The following CNEP1R1 variants were observed in gnomAD, a reference collection of about 807,000 sequenced individuals.
The protein encoded by CNEP1R1 is nuclear envelope phosphatase-regulatory subunit 1.
In CNEP1R1, 10 loss-of-function variants were observed where a neutral mutation model predicts 22.7. The ratio of observed to expected loss-of-function variants is 0.44; its 90% CI spans 0.27 to 0.75. The LOEUF (loss-of-function observed/expected upper bound fraction) is 0.75, where lower values mean the gene tolerates loss of function less well. CNEP1R1 is among the 30% of genes least tolerant of loss of function. The pLI is 0.17. For synonymous variants in CNEP1R1, 53 were observed against 50.1 expected, an observed-to-expected ratio of 1.06 and a Z score of -0.25; for missense variants, 73 against 151.5, an observed-to-expected ratio of 0.48 and a Z score of 2.72.
intron 2 of CNEP1R1, among the ~76,000 whole-genome samples, chr16:50,028,628 T>A (rs2144274233): frequency 6.6e-6 from 1 of 152,344 alleles, no homozygotes; most frequent in East Asian, 1.9e-4. Flanking sequence ...GTGATATAAA[T>A]ATACTTTACT....
intron 3 of CNEP1R1, among the ~76,000 whole-genome samples, chr16:50,030,775 A>G (rs958560006): frequency 6.6e-6 from 1 of 152,230 alleles, no homozygotes; most frequent in Non-Finnish European, 1.5e-5. Flanking sequence ...ACATATATCA[A>G]TTCCTTGGGC....
chr16:50,025,278 G>T lies in CNEP1R1; in HGVS notation c.-38G>T, dbSNP rs755332610. On this transcript the variant is annotated 5_prime_UTR_variant, in exon 1 of 6. Coordinates refer to ENST00000427478, the MANE Select transcript of CNEP1R1 (RefSeq NM_001281789.2). ...GCGGGGGCCGCGGAAGCTGCGATGCGGACAGGGCAGCGGCGGTGACCCGAG... is the reference window on the plus strand; with the variant it reads ...GCGGGGGCCGCGGAAGCTGCGATGCTGACAGGGCAGCGGCGGTGACCCGAG... 4.3e-6 allele frequency: 6 copies of T among 1,406,178 alleles called. No individual in the cohort carries two copies. Among genetic ancestry groups the T allele is most frequent in the Non-Finnish European group, 5.5e-6 (6 of 1,086,138 alleles). 87.1% of individuals were successfully genotyped at this position (1,406,178 alleles called of 1,614,324 possible).
At chr16:50,028,966 G>T (rs1320432125) in intron 2 of CNEP1R1, among the ~76,000 whole-genome samples, 2 of 151,896 alleles carry the variant, frequency 1.3e-5, no homozygotes, top group Admixed American at 1.3e-4. Context: ...TATTTCTGTT[G>T]TTCTTGGAAA....
chr16:50,029,310 C>T (rs2036212368), intron 2 of CNEP1R1, among the ~76,000 whole-genome samples: 1 of 152,162 alleles, frequency 6.6e-6, no homozygotes, highest in African/African-American at 2.4e-5. Flanking sequence ...TTTAGTCAGT[C>T]TTCTCAGTAC....
chr16:50,034,495 T>TTA lies in CNEP1R1; in HGVS notation c.336+342_336+343dup, dbSNP rs1010485823. On this transcript the variant is annotated intron_variant, in intron 5 of 5. Coordinates refer to ENST00000427478, the MANE Select transcript of CNEP1R1 (RefSeq NM_001281789.2). ...AAAAATGGCTCAGCGGATATTGGTTTTATAAACTACTGTTATTTATCAAGT... is the reference window on the plus strand; with the variant it reads ...AAAAATGGCTCAGCGGATATTGGTTTTATATAAACTACTGTTATTTATCAAGT... 45 of 312,666 alleles carry TTA rather than the reference T, an allele frequency of 1.4e-4. 1 individual carries two copies. The highest frequency in any genetic ancestry group is 9.0e-4 in the African/African-American group (41 of 45,596). 19.4% of individuals were successfully genotyped at this position (312,666 alleles called of 1,614,324 possible).
intron 2 of CNEP1R1, among the ~76,000 whole-genome samples, chr16:50,027,507 CAA>C (rs71138024): frequency 1.8e-4 from 20 of 110,076 alleles, no homozygotes; most frequent in Non-Finnish European, 1.9e-4. Context: ...GACTCTGTCT[CAA>C]AAAAAAAAAA....
intron 3 of CNEP1R1, among the ~76,000 whole-genome samples, chr16:50,032,767 G>A (rs761447838): frequency 2.0e-5 from 3 of 152,222 alleles, no homozygotes; most frequent in Non-Finnish European, 4.4e-5. Context: ...CACTTTGGGA[G>A]GCCGAGGCGG....
At chr16:50,026,122 T>C in intron 1 of CNEP1R1, 1 of 441,140 alleles carries the variant, frequency 2.3e-6, no homozygotes. Flanking sequence ...CTGCTGCTTA[T>C]TTCTCCCAAT....
intron 2 of CNEP1R1, 38 bp downstream of exon 2, chr16:50,026,505 A>G (rs759435097): frequency 3.3e-5 from 46 of 1,387,872 alleles, no homozygotes; most frequent in Non-Finnish European, 4.6e-5. Context: ...AAAACTAACA[A>G]TTGATACTTT....
At chr16:50,025,549 G>A (rs1334503856) in intron 1 of CNEP1R1, 8 of 1,237,802 alleles carry the variant, frequency 6.5e-6, no homozygotes, top group Non-Finnish European at 8.1e-6. Flanking sequence ...AACCTAGAGG[G>A]TCGACCTCCT....
intron 2 of CNEP1R1, among the ~76,000 whole-genome samples, chr16:50,028,899 A>G (rs1194148708): frequency 6.6e-6 from 1 of 152,160 alleles, no homozygotes; most frequent in Non-Finnish European, 1.5e-5. Context: ...ACGTCTTCTA[A>G]AAGTACATCA....
chr16:50,027,817 T>C, intron 2 of CNEP1R1, among the ~76,000 whole-genome samples: 1 of 152,196 alleles, frequency 6.6e-6, no homozygotes, highest in East Asian at 1.9e-4. Context: ...TTACTATCTA[T>C]TCATAAGTAT....
rs1433337780 is a variant in CNEP1R1 at position 50,036,328 on chromosome 16, A to T, written c.*870A>T. The T allele has an allele frequency of 6.8e-6, 1 of 147,240 alleles. No homozygotes were observed. The highest frequency in any genetic ancestry group is 1.5e-5 in the Non-Finnish European group (1 of 66,594). The allele number at this position is 147,240 out of a possible 1,614,324, so 9.1% of individuals were successfully genotyped here. ...TAATTTTTTTGTATTTTTAGTAGAG[A>T]CGGGGTTTCACCACGTTGGCCAGGA... On this transcript the variant is annotated 3_prime_UTR_variant, in exon 6 of 6. Transcript: ENST00000427478.
chr16:50,028,890 C>T (rs2884041), intron 2 of CNEP1R1, among the ~76,000 whole-genome samples: 117,523 of 152,024 alleles, frequency 0.77, 45,679 homozygotes, highest in East Asian at 0.9. Context: ...CTTTAGTTTA[C>T]GTCTTCTAAA....
chr16:50,026,383 T>G lies in CNEP1R1; in HGVS notation c.26-13T>G. On this transcript the variant is annotated splice_polypyrimidine_tract_variant and intron_variant, in intron 1 of 5. Transcript: ENST00000427478. ...AGAGTGGCTAATTAGAAAATTGACA[T>G]CTTTATACCTAGATCTCAAGGCTTT... The G allele has an allele frequency of 6.3e-7, 1 of 1,592,686 alleles. No individual in the cohort carries two copies. Among genetic ancestry groups the G allele is most frequent in the Non-Finnish European group, 8.6e-7 (1 of 1,165,654 alleles).
intron 1 of CNEP1R1, chr16:50,026,108 G>A (rs540318071): frequency 4.0e-5 from 17 of 425,862 alleles, no homozygotes; most frequent in African/African-American, 1.2e-4. Context: ...GGCGCTGGCC[G>A]AGGCTGCTGC....
chr16:50,035,323 A>G (rs111515511), intron 5 of CNEP1R1, 94 bp from the exon 6 acceptor site: 2 of 716,706 alleles, frequency 2.8e-6, no homozygotes, highest in South Asian at 3.4e-5. Context: ...AAGCGTTCTT[A>G]TTCCTTGCAC....
intron 3 of CNEP1R1, among the ~76,000 whole-genome samples, chr16:50,031,756 A>AG (rs2036232822): frequency 4.8e-3 from 1 of 208 alleles, no homozygotes; most frequent in Non-Finnish European, 0.011. Context: ...CAAACTCAGG[A>AG]GCAGTGGCTA....
chr16:50,033,505 A>G lies in CNEP1R1; in HGVS notation c.280A>G (p.Ile94Val), dbSNP rs2036249038. 6.9e-7 allele frequency: 1 copy of G among 1,457,650 alleles called. No homozygotes were observed. Among genetic ancestry groups the G allele is most frequent in the Non-Finnish European group, 9.6e-7 (1 of 1,041,252 alleles). 90.3% of individuals were successfully genotyped at this position (1,457,650 alleles called of 1,614,324 possible). ...GIHKRVVAPS[I>V]IAARCRTVLA... ...ACACAAGAGAGTAGTTGCACCATCA[A>G]TGTATCCTTTACCAAGGATTAAATT... Residue 94 changes from isoleucine to valine, a missense_variant and splice_region_variant, in exon 4 of 6, where the codon ATT (isoleucine) becomes GTT (valine). Coordinates refer to ENST00000427478, the MANE Select transcript of CNEP1R1 (RefSeq NM_001281789.2).
Sources: gnomAD v4.1 joint callset for allele counts (sites outside exome capture counted in the v4.1 genomes callset) on GRCh38, gnomAD v4.1.1 for gene constraint, MANE v1.5 for transcripts, NCBI Gene and HGNC (gene_info 2026-07-23, HGNC 2026-07-21) for gene names.